ACADVL: variants seen among roughly 807,000 people sequenced by gnomAD.
ACADVL encodes the protein very long-chain acyl-CoA dehydrogenase, mitochondrial.
A neutral mutation model predicts 80.4 loss-of-function variants in ACADVL; 73 were observed. The observed-to-expected ratio is 0.91, with a 90% CI of 0.75 to 1.10. The LOEUF (loss-of-function observed/expected upper bound fraction) is 1.10. Among genes scored for constraint, ACADVL ranks in the 50% least tolerant of loss-of-function variants. ACADVL has a pLI of 0.00. For synonymous variants in ACADVL, 392 were observed against 326.5 expected (o/e 1.20, Z -2.16); for missense variants, 878 against 858.9 (o/e 1.02, Z -0.28).
chr17:7,220,656 AG>A lies in ACADVL; in HGVS notation c.259del (p.Val87CysfsTer30). The A allele has an allele frequency of 6.2e-7, 1 of 1,614,182 alleles. No individual in the cohort carries two copies. The highest frequency in any genetic ancestry group is 2.2e-5 in the East Asian group (1 of 44,874). On this transcript the variant is annotated frameshift_variant, in exon 4 of 20. Coordinates refer to ENST00000356839, the MANE Select transcript of ACADVL (RefSeq NM_000018.4). LOFTEE classifies it high-confidence loss of function. ...TTCAAAGGCCAGCTCACCACAGATCAGGTGTTCCCATACCCGTCCGGTAAGG... is the reference window on the plus strand; with the variant it reads ...TTCAAAGGCCAGCTCACCACAGATCAGTGTTCCCATACCCGTCCGGTAAGG... ...GMFKGQLTTD[Q>X]VFPYPSVLNE...
chr17:7,225,010 G>T lies in ACADVL; in HGVS notation c.1881G>T (p.Gln627His). The T allele has an allele frequency of 6.2e-7, 1 of 1,614,112 alleles. No homozygotes were observed. Among genetic ancestry groups the T allele is most frequent in the African/African-American group, 1.3e-5 (1 of 75,044 alleles). ...CCGCCCTGCAGTCTGACCCCTGGCAGCAAGAGCTCTACCGCAACTTCAAAA... is the reference window on the plus strand; with the variant it reads ...CCGCCCTGCAGTCTGACCCCTGGCATCAAGAGCTCTACCGCAACTTCAAAA... ...GMAALQSDPW[Q>H]QELYRNFKSI... The change falls in exon 20 of 20, where the codon CAG (glutamine) becomes CAT (histidine). Residue 627 changes from glutamine (Q) to histidine (H), a missense_variant. Gln to His is a conservative substitution (Grantham distance 24). Transcript: ENST00000356839.
At position 7,221,531 on chromosome 17, in the gene ACADVL, C is replaced by T. The variant is rs775849134; in HGVS notation, c.478-7C>T. 2.5e-6 allele frequency: 4 copies of T among 1,614,148 alleles called. No homozygotes were observed. The highest frequency in any genetic ancestry group is 3.4e-6 in the Non-Finnish European group (4 of 1,180,036). On this transcript the variant is annotated splice_region_variant and splice_polypyrimidine_tract_variant and intron_variant, in intron 6 of 19. Coordinates refer to ENST00000356839, the MANE Select transcript of ACADVL (RefSeq NM_000018.4). ...GTGACAACCCCAGATTCCTGCTTCC[C>T]CTCCAGTACGCCCGTTTGGTGGAGA... is the stretch of plus-strand genomic sequence containing the variant.
chr17:7,221,956 G>A lies in ACADVL; in HGVS notation c.627G>A (p.Glu209=). The change falls in exon 8 of 20, where the codon GAG becomes GAA. Residue 209 remains glutamate, a synonymous_variant. Transcript: ENST00000356839. Reference sequence around the variant, plus strand: ...AAGTAGCTCTCTCCCCAACAGGGGAGACTGTGGCCGCTTTCTGTCTAACCG... The same window carrying A: ...AAGTAGCTCTCTCCCCAACAGGGGAAACTGTGGCCGCTTTCTGTCTAACCG... ...EKYLPKLASG[E]TVAAFCLTEP... is the part of the protein sequence containing the mutation. The A allele has an allele frequency of 1.9e-6, 3 of 1,614,126 alleles. No individual in the cohort carries two copies. The highest frequency in any genetic ancestry group is 1.1e-5 in the South Asian group (1 of 91,078).
rs772014118 is a variant in ACADVL at position 7,223,209 on chromosome 17, G to A, written c.1154G>A (p.Arg385Gln). The change falls in exon 11 of 20, where the codon CGG (arginine) becomes CAG (glutamine). Residue 385 changes from arginine (R) to glutamine (Q), a missense_variant. Transcript: ENST00000356839. Reference protein sequence around the residue: ...NFGLIQEKLARMVMLQYVTES... With the variant: ...NFGLIQEKLAQMVMLQYVTES... ...GGGCTGATCCAGGAGAAGCTGGCAC[G>A]GATGGTTATGCTGCAGTATGTAACT... 30 of 1,613,874 alleles carry A rather than the reference G, an allele frequency of 1.9e-5. No individual in the cohort carries two copies. Among genetic ancestry groups the A allele is most frequent in the East Asian group, 4.5e-5 (2 of 44,902 alleles).
Position 7,224,725 on chromosome 17 carries a change from A to AG in ACADVL, c.1751+13dup. 1 of 1,606,480 alleles carries AG rather than the reference A, an allele frequency of 6.2e-7. No individual in the cohort carries two copies. The highest frequency in any genetic ancestry group is 8.5e-7 in the Non-Finnish European group (1 of 1,176,814). On this transcript the variant is annotated intron_variant, in intron 18 of 19. Coordinates refer to ENST00000356839, the MANE Select transcript of ACADVL (RefSeq NM_000018.4). ...GGTGGTTCTCTCGAGGTGAGGAGGC[A>AG]GGCAGGGAATGCCTGAGCCGCAGGG...
upstream of ACADVL, chr17:7,217,642 G>A (rs1326201987): frequency 7.9e-7 from 1 of 1,267,828 alleles, no homozygotes; most frequent in Non-Finnish European, 1.1e-6. Context: ...AGGAAGCAGG[G>A]GGAGGGAGGG....
Position 7,221,961 on chromosome 17 carries a change from T to C in ACADVL, c.632T>C (p.Val211Ala). 6 of 1,614,086 alleles carry C rather than the reference T, an allele frequency of 3.7e-6. No homozygotes were observed. The highest frequency in any genetic ancestry group is 5.1e-6 in the Non-Finnish European group (6 of 1,180,014). The stretch of plus-strand genomic sequence containing the variant: ...GCTCTCTCCCCAACAGGGGAGACTG[T>C]GGCCGCTTTCTGTCTAACCGAGCCC... Reference protein sequence around the residue: ...YLPKLASGETVAAFCLTEPSS... With the variant: ...YLPKLASGETAAAFCLTEPSS... The change falls in exon 8 of 20, where the codon GTG (valine) becomes GCG (alanine). Residue 211 changes from valine (V) to alanine (A), a missense_variant. Val to Ala is a moderately conservative substitution (Grantham distance 64, BLOSUM62 0). Transcript: ENST00000356839.
rs771210493 is a variant in ACADVL at position 7,222,764 on chromosome 17, G to A, written c.976G>A (p.Val326Ile). 2.5e-6 allele frequency: 4 copies of A among 1,614,036 alleles called. No homozygotes were observed. Among genetic ancestry groups the A allele is most frequent in the Admixed American group, 1.7e-5 (1 of 60,002 alleles). Residue 326 changes from valine (V) to isoleucine (I), a missense_variant, in exon 10 of 20, where the codon GTT becomes ATT. Val to Ile is a conservative substitution (Grantham distance 29). Coordinates refer to ENST00000356839, the MANE Select transcript of ACADVL (RefSeq NM_000018.4). ...GCCATCGGAGAACGTGCTGGGTGAG[G>A]TTGGGAGTGGCTTCAAGGTTGCCAT... Reference protein sequence around the residue: ...RVPSENVLGEVGSGFKVAMHI... With the variant: ...RVPSENVLGEIGSGFKVAMHI...
At chr17:7,219,440 T>C (rs1186976918), upstream of ACADVL, 3 of 1,017,972 alleles carry the variant, frequency 2.9e-6, no homozygotes, top group Admixed American at 5.3e-5. Context: ...AGTTAGTGAA[T>C]GGCCTACATC....
In ACADVL at chr17:7,219,943, T is replaced by C. The variant is rs767746963; in HGVS notation, c.-42T>C. ...ACGTGGGCGTGCAGGACGCCAGAGC[T>C]GGGTCAGAGCTCGAGCCAGCGGCGC... On this transcript the variant is annotated 5_prime_UTR_variant, in exon 1 of 20. Coordinates refer to ENST00000356839, the MANE Select transcript of ACADVL (RefSeq NM_000018.4). 2.7e-6 allele frequency: 2 copies of C among 741,524 alleles called. No homozygotes were observed. The highest frequency in any genetic ancestry group is 1.9e-5 in the South Asian group (1 of 53,230). The allele number at this position is 741,524 out of a possible 1,614,324, so 45.9% of individuals were successfully genotyped here.
At chr17:7,217,236 C>A, upstream of ACADVL, 1 of 1,257,578 alleles carries the variant, frequency 8.0e-7, no homozygotes. Context: ...ACCCCTCCCC[C>A]CTCCGCACCC....
At chr17:7,218,586 G>C, upstream of ACADVL, 3 of 1,566,966 alleles carry the variant, frequency 1.9e-6, no homozygotes. Flanking sequence ...GTGAGGAGTG[G>C]GGGTGCCCAC....
rs1362275030 is a variant in ACADVL, at chr17:7,220,588, G to C, written c.205-16G>C. 6.2e-7 allele frequency: 1 copy of C among 1,614,196 alleles called. No homozygotes were observed. The highest frequency in any genetic ancestry group is 1.1e-5 in the South Asian group (1 of 91,082). On this transcript the variant is annotated splice_polypyrimidine_tract_variant and intron_variant, in intron 3 of 19. Coordinates refer to ENST00000356839, the MANE Select transcript of ACADVL (RefSeq NM_000018.4). ...AGACCCAACCAGAGCCCTGAAATTT[G>C]CCTCTCTCTGCCCAGGAATCTAAGT...
chr17:7,223,424 G>T, intron 11 of ACADVL, 187 bp downstream of exon 11: 1 of 803,480 alleles, frequency 1.2e-6, no homozygotes. Flanking sequence ...CTGCTCAGGT[G>T]CCTGCCAGCA....
Position 7,223,726 on chromosome 17 carries a change from G to A in ACADVL, c.1265G>A (p.Gly422Asp). 1 of 1,614,142 alleles carries A rather than the reference G, an allele frequency of 6.2e-7. No homozygotes were observed. Among genetic ancestry groups the A allele is most frequent in the Non-Finnish European group, 8.5e-7 (1 of 1,180,026 alleles). Residue 422 changes from glycine to aspartate, a missense_variant, in exon 12 of 20, where the codon GGC becomes GAC. Coordinates refer to ENST00000356839, the MANE Select transcript of ACADVL (RefSeq NM_000018.4). Reference sequence around the variant, plus strand: ...GAGGCCGCCATCAGCAAAATCTTTGGCTCGGTGAGGTCCCAGGCATGCTGG... The same window carrying A: ...GAGGCCGCCATCAGCAAAATCTTTGACTCGGTGAGGTCCCAGGCATGCTGG... The part of the protein sequence containing the change: ...QIEAAISKIF[G>D]SEAAWKVTDE...
rs2142969724 is a variant in ACADVL, at chr17:7,221,025, T to C, written c.444T>C (p.Ser148=). ...GGGCCTTTGGTCTGCAAGTGCCCAG[T>C]GAGCTGGGTGGTGTGGGCCTTTGCA... ...ELGAFGLQVP[S]ELGGVGLCNT... The change falls in exon 6 of 20, where the codon AGT becomes AGC. Residue 148 remains serine (S), a synonymous_variant. Coordinates refer to ENST00000356839, the MANE Select transcript of ACADVL (RefSeq NM_000018.4). 6.2e-7 allele frequency: 1 copy of C among 1,613,656 alleles called. No individual in the cohort carries two copies. Among genetic ancestry groups the C allele is most frequent in the Non-Finnish European group, 8.5e-7 (1 of 1,179,930 alleles).
At chr17:7,217,709 C>T, upstream of ACADVL, 1 of 1,533,978 alleles carries the variant, frequency 6.5e-7, no homozygotes, top group Non-Finnish European at 8.7e-7. Context: ...TCCTTCTGTG[C>T]TGGCAGGAAC....
Position 7,220,541 on chromosome 17 carries a change from C to A in ACADVL, c.204+12C>A, listed in dbSNP as rs750003292. On this transcript the variant is annotated intron_variant, in intron 3 of 19. Coordinates refer to ENST00000356839, the MANE Select transcript of ACADVL (RefSeq NM_000018.4). Reference sequence around the variant, plus strand: ...AACCGGCCAAGGCGGTAGGTAGCCCCGAGGCCAGGTGGACCTTAGCCAGAC... The same window carrying A: ...AACCGGCCAAGGCGGTAGGTAGCCCAGAGGCCAGGTGGACCTTAGCCAGAC... The A allele has an allele frequency of 2.2e-5, 35 of 1,614,114 alleles. No homozygotes were observed. The highest frequency in any genetic ancestry group is 2.9e-5 in the Non-Finnish European group (34 of 1,180,052).
Position 7,221,568 on chromosome 17 carries a change from C to T in ACADVL, c.508C>T (p.His170Tyr). 6.2e-7 allele frequency: 1 copy of T among 1,614,098 alleles called. No homozygotes were observed. The highest frequency in any genetic ancestry group is 8.5e-7 in the Non-Finnish European group (1 of 1,180,014). The change falls in exon 7 of 20, where the codon CAT becomes TAT. Residue 170 changes from histidine to tyrosine, a missense_variant. Coordinates refer to ENST00000356839, the MANE Select transcript of ACADVL (RefSeq NM_000018.4). ...YARLVEIVGM[H>Y]DLGVGITLGA... Reference sequence around the variant, plus strand: ...CCGTTTGGTGGAGATCGTGGGCATGCATGACCTTGGCGTGGGCATTACCCT... The same window carrying T: ...CCGTTTGGTGGAGATCGTGGGCATGTATGACCTTGGCGTGGGCATTACCCT...
Sources: gnomAD v4.1 joint callset for allele counts on GRCh38, gnomAD v4.1.1 for gene constraint, MANE v1.5 for transcripts, NCBI Gene and HGNC (gene_info 2026-07-23, HGNC 2026-07-21) for gene names.